Variants in LINGO2 observed in about 807,000 individuals in gnomAD.
The protein encoded by LINGO2 is leucine rich repeat and Ig domain containing 2, also known as leucine-rich repeat and immunoglobulin-like domain-containing nogo receptor-interacting protein 2.
Under a neutral mutation model 30.6 loss-of-function variants are expected in LINGO2, and 14 were observed. The ratio of observed to expected loss-of-function variants is 0.46; its 90% CI spans 0.30 to 0.72. The LOEUF is 0.72. LINGO2 is among the 30% of genes least tolerant of loss of function. The probability of loss-of-function intolerance (pLI) is 0.07; values close to 1 mark genes in which losing one functional copy is unlikely to be tolerated. For synonymous variants in LINGO2, 317 were observed against 288.5 expected, an observed-to-expected ratio of 1.10 and a Z score of -1.00; for missense variants, 729 against 751.7, an observed-to-expected ratio of 0.97 and a Z score of 0.35.
chr9:28,632,298 T>G (rs1240840598), intron 1 of LINGO2, among the ~76,000 whole-genome samples: 1 of 152,036 alleles, frequency 6.6e-6, no homozygotes. Context: ...AGCCTTGACT[T>G]TATGACCACA....
chr9:28,890,786 A>C, the LINGO2 span, among the ~76,000 whole-genome samples: 1 of 152,120 alleles, frequency 6.6e-6, no homozygotes, highest in Non-Finnish European at 1.5e-5. Context: ...TAATCAAATA[A>C]GAGTAGATCA....
chr9:28,348,569 G>A (rs1819694716), intron 3 of LINGO2, among the ~76,000 whole-genome samples: 1 of 152,160 alleles, frequency 6.6e-6, no homozygotes, highest in Admixed American at 6.5e-5. Context: ...GCGAGGCTGG[G>A]GGAGGGGCGC....
intron 4 of LINGO2, among the ~76,000 whole-genome samples, chr9:28,090,390 G>T (rs1302284951): frequency 1.3e-5 from 2 of 152,182 alleles, no homozygotes; most frequent in Non-Finnish European, 2.9e-5. Context: ...TCATCTCTGG[G>T]ATGCAAGGCT....
At chr9:28,677,944 C>T in the LINGO2 span, among the ~76,000 whole-genome samples, 1 of 151,850 alleles carries the variant, frequency 6.6e-6, no homozygotes, top group Non-Finnish European at 1.5e-5. Context: ...CCGAATCCAT[C>T]TACATGTTAT....
intron 4 of LINGO2, among the ~76,000 whole-genome samples, chr9:28,241,420 A>G (rs1461379715): frequency 6.6e-6 from 1 of 152,130 alleles, no homozygotes; most frequent in Admixed American, 6.5e-5. Flanking sequence ...TAACCGAGGT[A>G]TCAGGGTTCT....
chr9:27,949,193 G>A, exon 6 of LINGO2: 6 of 1,613,958 alleles, frequency 3.7e-6, no homozygotes, highest in Non-Finnish European at 5.1e-6. Flanking sequence ...AGGCTGTGAA[G>A]GTATCATTCC....
At chr9:28,441,192 G>T (rs1824178342) in intron 2 of LINGO2, among the ~76,000 whole-genome samples, 1 of 126,912 alleles carries the variant, frequency 7.9e-6, no homozygotes, top group Non-Finnish European at 1.6e-5. Flanking sequence ...AGAATTGTGA[G>T]AAATAAATTT....
At chr9:29,070,671 CTTG>C in the LINGO2 span, among the ~76,000 whole-genome samples, 2 of 151,392 alleles carry the variant, frequency 1.3e-5, no homozygotes, top group African/African-American at 2.4e-5. Context: ...ATGACAGGAT[CTTG>C]TTGTTAATGT....
At chr9:28,660,313 T>A (rs1828540582) in intron 1 of LINGO2, among the ~76,000 whole-genome samples, 1 of 152,014 alleles carries the variant, frequency 6.6e-6, no homozygotes, top group Admixed American at 6.6e-5. Context: ...TGAGAATAAT[T>A]AATTCAAAAT....
At chr9:28,942,065 C>G in the LINGO2 span, among the ~76,000 whole-genome samples, 3 of 151,992 alleles carry the variant, frequency 2.0e-5, no homozygotes, top group African/African-American at 7.2e-5. Context: ...TTTTTATCCC[C>G]CAGGACGGCA....
intron 2 of LINGO2, among the ~76,000 whole-genome samples, chr9:28,408,976 C>T (rs1822635379): frequency 6.6e-6 from 1 of 151,938 alleles, no homozygotes; most frequent in South Asian, 2.1e-4. Flanking sequence ...TAAATTTCTC[C>T]TGCTTTAATG....
the LINGO2 span, among the ~76,000 whole-genome samples, chr9:28,714,567 G>T: frequency 0.046 from 7,047 of 152,100 alleles, 427 homozygotes; most frequent in African/African-American, 0.13. Context: ...ATGCTGAATG[G>T]AACATAAGCC....
intron 1 of LINGO2, among the ~76,000 whole-genome samples, chr9:28,624,223 A>G (rs1826545704): frequency 6.6e-6 from 1 of 152,064 alleles, no homozygotes; most frequent in Non-Finnish European, 1.5e-5. Context: ...GAAAAACAGT[A>G]GTGAAATGGG....
chr9:27,973,361 T>G (rs546916503), intron 5 of LINGO2, among the ~76,000 whole-genome samples: 4 of 152,306 alleles, frequency 2.6e-5, no homozygotes, highest in Non-Finnish European at 5.9e-5. Context: ...GAGGTACCTA[T>G]GAATCTTCAC....
intron 4 of LINGO2, among the ~76,000 whole-genome samples, chr9:28,020,533 AAAC>A: frequency 6.3e-4 from 1 of 1,596 alleles, no homozygotes; most frequent in African/African-American, 7.1e-4. Flanking sequence ...TGTCTTATAA[AAAC>A]AAAACAAAAC....
intron 2 of LINGO2, among the ~76,000 whole-genome samples, chr9:28,451,630 A>G (rs1195390652): frequency 1.3e-5 from 2 of 151,710 alleles, no homozygotes; most frequent in Non-Finnish European, 3.0e-5. Flanking sequence ...TATGGGAGCA[A>G]TATTGACAAT....
At chr9:29,041,899 A>G in the LINGO2 span, among the ~76,000 whole-genome samples, 4 of 152,000 alleles carry the variant, frequency 2.6e-5, no homozygotes, top group East Asian at 7.7e-4. Context: ...CACACCCTCT[A>G]TCTGACAAAG....
chr9:28,557,467 G>T (rs550053683), intron 1 of LINGO2, among the ~76,000 whole-genome samples: 1 of 152,008 alleles, frequency 6.6e-6, no homozygotes, highest in Non-Finnish European at 1.5e-5. Context: ...ACACCAGTTA[G>T]AATGGCGATC....
intron 4 of LINGO2, among the ~76,000 whole-genome samples, chr9:28,167,624 T>C (rs190575798): frequency 1.3e-5 from 2 of 152,334 alleles, no homozygotes; most frequent in Non-Finnish European, 2.9e-5. Flanking sequence ...TGTGCTCAAG[T>C]AGTATGCCCC....
Sources: allele counts gnomAD v4.1 joint callset (sites outside exome capture counted in the v4.1 genomes callset), GRCh38; gene constraint gnomAD v4.1.1; transcripts MANE v1.5; gene names NCBI Gene and HGNC (gene_info 2026-07-23, HGNC 2026-07-21).